The following KDM3A variants were observed in gnomAD, a reference collection of about 807,000 sequenced individuals.
KDM3A encodes lysine-specific demethylase 3A.
KDM3A carries 60 observed loss-of-function variants against 158.0 expected under a neutral mutation model. The observed-to-expected ratio is 0.38, with a 90% CI of 0.31 to 0.47. The LOEUF is 0.47. KDM3A is among the 20% of genes least tolerant of loss of function. The pLI, the probability that KDM3A is intolerant of heterozygous loss-of-function variation, is 0.99. For synonymous variants in KDM3A, 608 were observed against 549.3 expected, an observed-to-expected ratio of 1.11 and a Z score of -1.49; for missense variants, 1,319 against 1,574.3, an observed-to-expected ratio of 0.84 and a Z score of 2.74.
intron 2 of KDM3A, among the ~76,000 whole-genome samples, chr2:86,446,366 T>C (rs1347354304): frequency 6.6e-6 from 1 of 152,254 alleles, no homozygotes; most frequent in Non-Finnish European, 1.5e-5. Flanking sequence ...ATCTGTCAGC[T>C]TGCATGAGCT....
At position 86,466,733 on chromosome 2, in the gene KDM3A, G is replaced by A. The variant is rs748418371; in HGVS notation, c.1369G>A (p.Ala457Thr). The A allele has an allele frequency of 2.7e-5, 43 of 1,613,790 alleles. No homozygotes were observed. Among genetic ancestry groups the A allele is most frequent in the Non-Finnish European group, 3.3e-5 (39 of 1,179,850 alleles). ...TGTTTCAAATGCACCAGAAGTGAAA[G>A]CAGGTGTCAATAGTGATAGCCCTAA... ...SDVSNAPEVK[A>T]GVNSDSPNNC... The change falls in exon 10 of 26, where the codon GCA (alanine) becomes ACA (threonine). Residue 457 changes from alanine (A) to threonine (T), a missense_variant. Physicochemically the swap from Ala to Thr is moderately conservative, Grantham distance 58. Transcript: ENST00000312912.
chr2:86,476,948 A>T (rs1357173680), intron 12 of KDM3A, among the ~76,000 whole-genome samples: 3 of 152,170 alleles, frequency 2.0e-5, no homozygotes, highest in Non-Finnish European at 4.4e-5. Context: ...GGAGAGAGAG[A>T]GACTGACTGC....
At chr2:86,444,364 C>A (rs938208108) in intron 2 of KDM3A, among the ~76,000 whole-genome samples, 1 of 152,214 alleles carries the variant, frequency 6.6e-6, no homozygotes, top group Non-Finnish European at 1.5e-5. Context: ...CACATCACAA[C>A]TCAACCCTCA....
chr2:86,473,915 C>G (rs1004863502), intron 11 of KDM3A, among the ~76,000 whole-genome samples: 1 of 152,156 alleles, frequency 6.6e-6, no homozygotes, highest in Non-Finnish European at 1.5e-5. Context: ...TCCCTCTTTC[C>G]AGAAGCTTGG....
chr2:86,491,106 GGTTT>G, intron 24 of KDM3A, 31 bp from the exon 25 acceptor site: 2 of 1,612,930 alleles, frequency 1.2e-6, no homozygotes, highest in South Asian at 2.2e-5. Context: ...TGAACTTTTG[GGTTT>G]GTTACTGATA....
upstream of KDM3A, among the ~76,000 whole-genome samples, chr2:86,437,351 A>G (rs1232194766): frequency 6.6e-6 from 1 of 152,166 alleles, no homozygotes; most frequent in African/African-American, 2.4e-5. Flanking sequence ...CATGTTGGCC[A>G]GGCTGGTCTC....
rs775882415 is a variant in KDM3A, at chr2:86,484,074, G to A, written c.3010G>A (p.Val1004Ile). 1.9e-6 allele frequency: 3 copies of A among 1,614,014 alleles called. No homozygotes were observed. The highest frequency in any genetic ancestry group is 2.2e-5 in the South Asian group (2 of 91,078). ...SFRKEFGEQE[V>I]DLVNCRTNEI... Reference sequence around the variant, plus strand: ...CAGGAAAGAGTTTGGTGAGCAGGAAGTAGACCTAGTTAATTGTAGGACCAA... The same window carrying A: ...CAGGAAAGAGTTTGGTGAGCAGGAAATAGACCTAGTTAATTGTAGGACCAA... Residue 1004 changes from valine to isoleucine, a missense_variant, in exon 19 of 26, where the codon GTA becomes ATA. This residue lies in a region of KDM3A where 368 missense variants were observed against 415.8 expected (regional missense o/e 0.89). Coordinates refer to ENST00000312912, the MANE Select transcript of KDM3A (RefSeq NM_018433.6).
In KDM3A at chr2:86,478,205, G is replaced by A. The variant is rs1470431039; in HGVS notation, c.2128G>A (p.Val710Met). The part of the protein sequence containing the change: ...AYKTFSWLKC[V>M]KSQIHEPENL... Reference sequence around the variant, plus strand: ...CAAGACTTTCTCTTGGCTAAAATGTGTGAAGAGTCAGATACATGAACCAGA... The same window carrying A: ...CAAGACTTTCTCTTGGCTAAAATGTATGAAGAGTCAGATACATGAACCAGA... The change falls in exon 14 of 26, where the codon GTG (valine) becomes ATG (methionine). Residue 710 changes from valine (V) to methionine (M), a missense_variant. By Grantham distance (21) the Val-to-Met change is conservative (BLOSUM62 1). Transcript: ENST00000312912. 1 of 1,614,088 alleles carries A rather than the reference G, an allele frequency of 6.2e-7. No homozygotes were observed. Among genetic ancestry groups the A allele is most frequent in the Non-Finnish European group, 8.5e-7 (1 of 1,179,932 alleles).
At chr2:86,439,986 T>A (rs1399265466), upstream of KDM3A, among the ~76,000 whole-genome samples, 1 of 152,212 alleles carries the variant, frequency 6.6e-6, no homozygotes, top group South Asian at 2.1e-4. Flanking sequence ...TTAAAACTTG[T>A]GAGTGAAATT....
intron 8 of KDM3A, among the ~76,000 whole-genome samples, chr2:86,460,484 G>A (rs1175295830): frequency 6.6e-6 from 1 of 152,186 alleles, no homozygotes; most frequent in Non-Finnish European, 1.5e-5. Context: ...TTCTCACTGT[G>A]TTTGCACTTC....
chr2:86,440,780 C>G (rs1682655946), upstream of KDM3A: 1 of 152,250 alleles, frequency 6.6e-6, no homozygotes, highest in Non-Finnish European at 1.5e-5. Flanking sequence ...GGCGAGGCGC[C>G]TGCGCACGAG....
At chr2:86,488,984 C>G in intron 21 of KDM3A, 1 of 246,130 alleles carries the variant, frequency 4.1e-6, no homozygotes, top group East Asian at 1.1e-4. Context: ...CTCGAGTGGT[C>G]CTTGGGCTTT....
chr2:86,449,685 A>G, intron 2 of KDM3A, 122 bp from the exon 3 acceptor site: 1 of 1,067,954 alleles, frequency 9.4e-7, no homozygotes, highest in Non-Finnish European at 1.3e-6. Context: ...TGGAAGGGGG[A>G]AAGCACATCC....
chr2:86,489,837 T>C (rs1198617941), intron 23 of KDM3A, 178 bp downstream of exon 23: 2 of 566,796 alleles, frequency 3.5e-6, no homozygotes, highest in East Asian at 2.9e-5. Context: ...TCTAAATGAT[T>C]AGGGTTACAC....
chr2:86,481,669 A>G (rs1453343567), intron 16 of KDM3A, among the ~76,000 whole-genome samples: 1 of 152,216 alleles, frequency 6.6e-6, no homozygotes, highest in Non-Finnish European at 1.5e-5. Flanking sequence ...ATCCAAAAGA[A>G]TCTACATTTA....
Position 86,455,149 on chromosome 2 carries a change from T to C in KDM3A, c.518T>C (p.Leu173Ser). The C allele has an allele frequency of 1.2e-6, 2 of 1,607,420 alleles. No individual in the cohort carries two copies. Among genetic ancestry groups the C allele is most frequent in the South Asian group, 2.2e-5 (2 of 90,192 alleles). Residue 173 changes from leucine (L) to serine (S), a missense_variant, in exon 5 of 26, where the codon TTG becomes TCG. Physicochemically the swap from Leu to Ser is moderately radical, Grantham distance 145 (BLOSUM62 -2). Around this residue, in one of 4 missense-constraint regions of KDM3A, gnomAD observed 652 missense variants for 627.2 expected, o/e 1.04. Transcript: ENST00000312912. The stretch of plus-strand genomic sequence containing the variant: ...ATTGTCAGTAAAGAATTTCAAGCTT[T>C]GATTGTGAAGCATTTAGATGAAAGC... Reference protein sequence around the residue: ...NQIVSKEFQALIVKHLDESHL... With the variant: ...NQIVSKEFQASIVKHLDESHL...
chr2:86,454,938 C>T, intron 4 of KDM3A, 147 bp from the exon 5 acceptor site: 1 of 530,360 alleles, frequency 1.9e-6, no homozygotes, highest in East Asian at 3.3e-5. Flanking sequence ...ATCTGGTTTA[C>T]TGGAATTGGA....
chr2:86,463,701 G>A (rs1673016722), intron 8 of KDM3A, among the ~76,000 whole-genome samples: 1 of 152,232 alleles, frequency 6.6e-6, no homozygotes, highest in African/African-American at 2.4e-5. Context: ...GTGAATGCAT[G>A]TGAAGCTGCC....
intron 25 of KDM3A, 177 bp from the exon 26 acceptor site, chr2:86,491,858 AATGT>A: frequency 1.7e-6 from 1 of 581,454 alleles, no homozygotes; most frequent in Non-Finnish European, 3.1e-6. Flanking sequence ...ATGGGTTTAA[AATGT>A]ATGTGAAATA....
Sources: gnomAD v4.1 joint callset for allele counts (sites outside exome capture counted in the v4.1 genomes callset) on GRCh38, gnomAD v4.1.1 for gene constraint, gnomAD v4.1.1 regional missense constraint, MANE v1.5 for transcripts, NCBI Gene and HGNC (gene_info 2026-07-23, HGNC 2026-07-21) for gene names.